LETMD1: variants seen among roughly 807,000 people sequenced by gnomAD.
LETMD1 encodes the protein LETM1 domain containing 1, also known as LETM1 domain-containing protein 1.
In LETMD1, 30 loss-of-function variants were observed where a neutral mutation model predicts 43.9. The ratio of observed to expected loss-of-function variants is 0.68; its 90% CI spans 0.51 to 0.93. The LOEUF is 0.93. Ranked by LOEUF, LETMD1 falls within the 40% of genes least tolerant of loss-of-function variation. The pLI is 0.00. For synonymous variants in LETMD1, 176 were observed against 163.1 expected (o/e 1.08, Z -0.60); for missense variants, 413 against 447.7 (o/e 0.92, Z 0.70).
chr12:51,063,424 A>G (rs1937774242), downstream of LETMD1: 1 of 184,756 alleles, frequency 5.4e-6, no homozygotes, highest in Non-Finnish European at 1.1e-5. Context: ...TCTGGTCCCT[A>G]CAGAAAGAAT....
the LETMD1 span, among the ~76,000 whole-genome samples, chr12:51,066,488 A>G: frequency 6.6e-6 from 1 of 151,606 alleles, no homozygotes; most frequent in Non-Finnish European, 1.5e-5. Flanking sequence ...CAACAATACA[A>G]CAATTAGCCG....
Position 51,048,373 on chromosome 12 carries a change from T to C in LETMD1, c.17T>C (p.Val6Ala), listed in dbSNP as rs1193948311. 44 of 1,613,916 alleles carry C rather than the reference T, an allele frequency of 2.7e-5. No individual in the cohort carries two copies. The highest frequency in any genetic ancestry group is 4.5e-5 in the East Asian group (2 of 44,886). Residue 6 changes from valine (V) to alanine (A), a missense_variant, in exon 1 of 9, where the codon GTG becomes GCG. Val to Ala is a moderately conservative substitution (Grantham distance 64). Coordinates refer to ENST00000262055, the MANE Select transcript of LETMD1 (RefSeq NM_015416.5). The stretch of plus-strand genomic sequence containing the variant: ...GCTGTGAAGATGGCGCTCTCCAGGG[T>C]GTGCTGGGCTCGGTCGGCTGTGTGG... MALSR[V>A]CWARSAVWGS...
Position 51,048,404 on chromosome 12 carries a change from G to A in LETMD1, c.48G>A (p.Ser16=). ...VCWARSAVWG[S]AVTPGHFVTR... ...GGGCTCGGTCGGCTGTGTGGGGCTC[G>A]GCAGTCACCCCTGGACATTTTGTCA... Residue 16 remains serine (S), a synonymous_variant, in exon 1 of 9, where the codon TCG becomes TCA. Transcript: ENST00000262055. The A allele has an allele frequency of 6.2e-7, 1 of 1,614,078 alleles. No homozygotes were observed. The highest frequency in any genetic ancestry group is 2.2e-5 in the East Asian group (1 of 44,868).
chr12:51,064,173 G>C, downstream of LETMD1: 1 of 1,614,222 alleles, frequency 6.2e-7, no homozygotes, highest in East Asian at 2.2e-5. Flanking sequence ...CGTTGAGGCA[G>C]TTGGGTGGTC....
At chr12:51,050,956 T>C (rs1018564341) in intron 2 of LETMD1, among the ~76,000 whole-genome samples, 1 of 150,440 alleles carries the variant, frequency 6.6e-6, no homozygotes, top group Non-Finnish European at 1.5e-5. Flanking sequence ...GAGGTTGTGG[T>C]GAGCCAAGAT....
At chr12:51,064,803 A>G (rs1354827298), downstream of LETMD1, 3 of 636,314 alleles carry the variant, frequency 4.7e-6, no homozygotes, top group African/African-American at 1.8e-5. Context: ...AATTCAAAGC[A>G]TAGCATGCAG....
At chr12:51,065,648 T>C in the LETMD1 span, among the ~76,000 whole-genome samples, 1 of 151,948 alleles carries the variant, frequency 6.6e-6, no homozygotes, top group Non-Finnish European at 1.5e-5. Flanking sequence ...TTTGTAGAGA[T>C]GGGGTCTCGC....
the LETMD1 span, among the ~76,000 whole-genome samples, chr12:51,067,102 A>G: frequency 1.3e-5 from 2 of 152,088 alleles, no homozygotes; most frequent in African/African-American, 4.8e-5. This position sits in a 1 kb window ranked among gnomAD's most constrained non-coding sequence, Gnocchi z 4.1. Flanking sequence ...AAGTGCTGGG[A>G]TTACAGATGT....
At chr12:51,056,595 T>C in intron 7 of LETMD1, 93 bp downstream of exon 7, 1 of 1,152,374 alleles carries the variant, frequency 8.7e-7, no homozygotes. Context: ...TTGTCTTGTT[T>C]GTTTATAGAA....
At chr12:51,064,534 G>T, downstream of LETMD1, 1 of 1,613,386 alleles carries the variant, frequency 6.2e-7, no homozygotes, top group Non-Finnish European at 8.5e-7. Context: ...CTCACCTGCC[G>T]CTTGCTCTCC....
downstream of LETMD1, chr12:51,062,987 G>A (rs1275852753): frequency 3.3e-5 from 5 of 152,232 alleles, no homozygotes; most frequent in Admixed American, 6.6e-5. Flanking sequence ...GCTCAGGCTC[G>A]TTATACCATA....
intron 7 of LETMD1, 111 bp downstream of exon 7, chr12:51,056,613 T>G: frequency 1.2e-6 from 1 of 837,378 alleles, no homozygotes; most frequent in Non-Finnish European, 2.0e-6. Context: ...GAACCCAGCT[T>G]CTTTATTCTC....
At position 51,056,177 on chromosome 12, in the gene LETMD1, A is replaced by C. The variant is rs1425312129; in HGVS notation, c.694A>C (p.Ile232Leu). Reference protein sequence around the residue: ...QRGTHPAIHDILALRECFSNH... With the variant: ...QRGTHPAIHDLLALRECFSNH... ...TGGTACCCACCCAGCAATACATGAT[A>C]TCTTGGCTCTGAGAGAGTGTTTCTC... is the stretch of plus-strand genomic sequence containing the variant. Residue 232 changes from isoleucine to leucine, a missense_variant, in exon 6 of 9, where the codon ATC (isoleucine) becomes CTC (leucine). Ile to Leu is a conservative substitution (Grantham distance 5). Coordinates refer to ENST00000262055, the MANE Select transcript of LETMD1 (RefSeq NM_015416.5). The C allele has an allele frequency of 6.2e-7, 1 of 1,614,240 alleles. No individual in the cohort carries two copies. Among genetic ancestry groups the C allele is most frequent in the Non-Finnish European group, 8.5e-7 (1 of 1,180,042 alleles).
At chr12:51,063,864 G>C, downstream of LETMD1, 1 of 1,614,118 alleles carries the variant, frequency 6.2e-7, no homozygotes, top group Non-Finnish European at 8.5e-7. Context: ...GAGGCTTGAG[G>C]GGGACCAGGA....
chr12:51,065,809 C>G, the LETMD1 span, among the ~76,000 whole-genome samples: 1 of 152,120 alleles, frequency 6.6e-6, no homozygotes, highest in South Asian at 2.1e-4. Flanking sequence ...AACAGAATGA[C>G]TCATTATGGG....
intron 7 of LETMD1, chr12:51,056,950 T>G (rs1412775890): frequency 1.3e-5 from 2 of 157,118 alleles, no homozygotes. Context: ...GCATATTTAT[T>G]TATTTTTCAG....
chr12:51,055,190 C>T (rs1385116035), intron 4 of LETMD1, among the ~76,000 whole-genome samples: 1 of 152,066 alleles, frequency 6.6e-6, no homozygotes. Context: ...CATATAGTGT[C>T]CTGGTCAGGC....
chr12:51,053,619 G>A (rs1208995269), intron 3 of LETMD1, among the ~76,000 whole-genome samples, 159 bp from the exon 4 acceptor site: 1 of 152,212 alleles, frequency 6.6e-6, no homozygotes, highest in Non-Finnish European at 1.5e-5. Context: ...CTCCAGCCTA[G>A]GTGACAGAGC....
In LETMD1 at chr12:51,048,494, C is replaced by A. The variant is rs771432764; in HGVS notation, c.122+16C>A. On this transcript the variant is annotated intron_variant, in intron 1 of 8. Transcript: ENST00000262055. ...GGGCCCCTCGGTGAGGGACCTGTAG[C>A]GAGAAAAGCATTTTTGACGTCCAGG... is the stretch of plus-strand genomic sequence containing the variant. 3.1e-6 allele frequency: 5 copies of A among 1,611,690 alleles called. No individual in the cohort carries two copies. The highest frequency in any genetic ancestry group is 4.2e-6 in the Non-Finnish European group (5 of 1,179,908).
Sources: gnomAD v4.1 joint callset for allele counts (sites outside exome capture counted in the v4.1 genomes callset) on GRCh38, gnomAD v4.1.1 for gene constraint, Gnocchi (gnomAD v3.1) non-coding constraint, MANE v1.5 for transcripts, NCBI Gene and HGNC (gene_info 2026-07-23, HGNC 2026-07-21) for gene names.